The following PHTF2 variants were observed in gnomAD, a reference collection of about 807,000 sequenced individuals.
PHTF2 encodes the protein protein PHTF2.
Under a neutral mutation model 101.2 loss-of-function variants are expected in PHTF2, and 60 were observed. The ratio of observed to expected loss-of-function variants is 0.59; its 90% CI spans 0.48 to 0.73. PHTF2 has a LOEUF of 0.73. PHTF2 is among the 30% of genes least tolerant of loss of function. The probability of loss-of-function intolerance (pLI) is 0.00; values close to 1 mark genes in which losing one functional copy is unlikely to be tolerated. For synonymous variants in PHTF2, 311 were observed against 307.3 expected, an observed-to-expected ratio of 1.01 and a Z score of -0.13; for missense variants, 747 against 908.7, an observed-to-expected ratio of 0.82 and a Z score of 2.29.
At chr7:77,896,308 A>T (rs1374821532) in intron 5 of PHTF2, among the ~76,000 whole-genome samples, 1 of 152,144 alleles carries the variant, frequency 6.6e-6, no homozygotes, top group East Asian at 1.9e-4. Flanking sequence ...TGAAATCCCA[A>T]CACTTTAGGA....
rs1311234851 is a variant in PHTF2, at chr7:77,893,742, T to A, written c.204+78T>A. 1.8e-5 allele frequency: 12 copies of A among 673,706 alleles called. No individual in the cohort carries two copies. The Middle Eastern group carries it at 1.1e-3, about 64-fold the overall frequency. 41.7% of individuals were successfully genotyped at this position (673,706 alleles called of 1,614,324 possible). A position where few individuals can be genotyped will look rare whatever the true frequency, so the allele number is the denominator to read the frequency against. On this transcript the variant is annotated intron_variant, in intron 4 of 19. Coordinates refer to ENST00000416283, the Ensembl canonical transcript of PHTF2. ...TAATTACATTTTCTGTAGTGTTTTT[T>A]AATATACTTTTAAGATATAAATTAC...
chr7:77,953,992 A>G (rs941652121), intron 19 of PHTF2, 98 bp downstream of exon 18: 2 of 896,638 alleles, frequency 2.2e-6, no homozygotes, highest in African/African-American at 1.7e-5. Context: ...TCATTTTGGT[A>G]AGATTGCAAT....
At chr7:77,940,006 C>T (rs1355756862) in intron 13 of PHTF2, 24 bp from the exon 13 acceptor site, 3 of 1,541,828 alleles carry the variant, frequency 1.9e-6, no homozygotes, top group Middle Eastern at 1.7e-4. Flanking sequence ...TTTCTTTTCT[C>T]TCTCTTCCCC....
intron 16 of PHTF2, among the ~76,000 whole-genome samples, chr7:77,943,190 G>A (rs768659457): frequency 5.9e-4 from 90 of 152,074 alleles, no homozygotes; most frequent in Non-Finnish European, 1.1e-3. Context: ...GCGCGATCTC[G>A]GCTCACTGCA....
At chr7:77,840,450 A>G (rs576289245) in intron 2 of PHTF2, 150 bp downstream of exon 2, 2 of 555,480 alleles carry the variant, frequency 3.6e-6, no homozygotes, top group African/African-American at 3.8e-5. Context: ...ATAAATTGGA[A>G]AGATGATGCT....
intron 1 of PHTF2, among the ~76,000 whole-genome samples, chr7:77,813,320 T>A (rs1323500304): frequency 6.6e-6 from 1 of 152,150 alleles, no homozygotes; most frequent in Admixed American, 6.5e-5. Context: ...GCTAAGTGAA[T>A]AAAGTGTTCC....
chr7:77,912,452 T>C (rs867147876), intron 9 of PHTF2, among the ~76,000 whole-genome samples: 4 of 152,126 alleles, frequency 2.6e-5, no homozygotes, highest in South Asian at 2.1e-4. Flanking sequence ...AACTAAGCAC[T>C]TATCAACTAA....
intron 1 of PHTF2, among the ~76,000 whole-genome samples, chr7:77,823,387 A>AT (rs1318626200): frequency 2.0e-5 from 3 of 149,176 alleles, no homozygotes; most frequent in Admixed American, 6.7e-5. Context: ...CACCCAGCTA[A>AT]TTTTTGTATT....
intron 3 of PHTF2, among the ~76,000 whole-genome samples, chr7:77,855,863 A>T (rs1797136611): frequency 1.3e-5 from 2 of 152,146 alleles, no homozygotes; most frequent in African/African-American, 4.8e-5. Flanking sequence ...GGAATGTGGG[A>T]GGGGTGGTGT....
intron 5 of PHTF2, among the ~76,000 whole-genome samples, chr7:77,894,390 T>C (rs1267651649): frequency 6.6e-6 from 1 of 152,200 alleles, no homozygotes; most frequent in African/African-American, 2.4e-5. Flanking sequence ...AGTATTACCT[T>C]AGTTACTTGA....
intron 3 of PHTF2, among the ~76,000 whole-genome samples, chr7:77,875,549 TTTATTTA>T (rs975559401): frequency 4.6e-5 from 7 of 150,944 alleles, no homozygotes; most frequent in African/African-American, 1.7e-4. Flanking sequence ...TATTTATTTA[TTTATTTA>T]TTATTATTAT....
At chr7:77,879,368 C>T (rs1333926029) in intron 3 of PHTF2, among the ~76,000 whole-genome samples, 1 of 152,064 alleles carries the variant, frequency 6.6e-6, no homozygotes, top group African/African-American at 2.4e-5. Flanking sequence ...TCTCATATGG[C>T]CAACCCCTCA....
chr7:77,798,821 G>A (rs1792282821), exon 1 of PHTF2: 2 of 152,292 alleles, frequency 1.3e-5, no homozygotes, highest in South Asian at 4.1e-4. Context: ...GCAAAATCCT[G>A]CGGGAGAGGG....
chr7:77,936,634 A>G (rs1805156529), intron 12 of PHTF2, among the ~76,000 whole-genome samples: 1 of 151,926 alleles, frequency 6.6e-6, no homozygotes, highest in South Asian at 2.1e-4. Context: ...AGATCGCACC[A>G]TTGCACTCCA....
chr7:77,837,759 A>G (rs940564365), intron 1 of PHTF2, among the ~76,000 whole-genome samples: 1 of 152,190 alleles, frequency 6.6e-6, no homozygotes, highest in Non-Finnish European at 1.5e-5. Context: ...CTTGTGAGGC[A>G]GGCAGTGTTT....
rs1159044845 is a variant in PHTF2, at chr7:77,814,505, T to TG, written c.-36+15540dup. On this transcript the variant is annotated intron_variant, in intron 1 of 19. Coordinates refer to ENST00000416283, the Ensembl canonical transcript of PHTF2. The stretch of plus-strand genomic sequence containing the variant: ...CTAGGCCGCACTTCAGCACTACACT[T>TG]GGGGGGCATTTTTTTTTTTTTTTTT... Among the ~76,000 whole-genome samples the TG allele has an allele frequency of 3.5e-4, 52 of 150,634 alleles. 3 individuals are homozygous for TG.
At chr7:77,906,697 C>A (rs1401491631) in intron 7 of PHTF2, among the ~76,000 whole-genome samples, 1 of 152,112 alleles carries the variant, frequency 6.6e-6, no homozygotes, top group East Asian at 1.9e-4. Context: ...TTTGTACTTG[C>A]CCCTTTTAAA....
At chr7:77,926,098 G>A (rs1803975922) in intron 11 of PHTF2, among the ~76,000 whole-genome samples, 1 of 151,718 alleles carries the variant, frequency 6.6e-6, no homozygotes, top group Non-Finnish European at 1.5e-5. Flanking sequence ...TCTGCATTTG[G>A]CAAAAAACAC....
At chr7:77,901,952 C>G in intron 7 of PHTF2, 32 bp downstream of exon 6, 2 of 1,349,954 alleles carry the variant, frequency 1.5e-6, no homozygotes, top group Non-Finnish European at 2.0e-6. Flanking sequence ...TTTTACTTTT[C>G]AGAATGTTAC....
Sources: gnomAD v4.1 joint callset for allele counts (sites outside exome capture counted in the v4.1 genomes callset) on GRCh38, gnomAD v4.1.1 for gene constraint, MANE v1.5 for transcripts, NCBI Gene and HGNC (gene_info 2026-07-23, HGNC 2026-07-21) for gene names.